Variants in TULP4 observed in about 807,000 individuals in gnomAD.
The protein encoded by TULP4 is tubby-related protein 4.
In TULP4, 16 loss-of-function variants were observed where a neutral mutation model predicts 129.0. The observed-to-expected ratio is 0.12, with a 90% CI of 0.08 to 0.19. The LOEUF is 0.19. TULP4 is among the 10% of genes least tolerant of loss of function. The pLI is 1.00. For synonymous variants in TULP4, 998 were observed against 854.0 expected, an observed-to-expected ratio of 1.17 and a Z score of -2.94; for missense variants, 1,842 against 2,059.1, an observed-to-expected ratio of 0.89 and a Z score of 2.04.
At chr6:158,350,961 C>T (rs1303583770) in intron 1 of TULP4, among the ~76,000 whole-genome samples, 2 of 152,080 alleles carry the variant, frequency 1.3e-5, no homozygotes, top group African/African-American at 4.8e-5. Flanking sequence ...ACCATGTTGG[C>T]CAGGCTGGTC....
chr6:158,439,269 A>C (rs576115111), intron 3 of TULP4, among the ~76,000 whole-genome samples: 4,258 of 152,276 alleles, frequency 0.028, 177 homozygotes, highest in African/African-American at 0.091. Flanking sequence ...CAAACTTCCC[A>C]AAAGCAAAAA....
chr6:158,475,127 G>A (rs892543772), intron 6 of TULP4, among the ~76,000 whole-genome samples: 2 of 152,244 alleles, frequency 1.3e-5, no homozygotes, highest in Non-Finnish European at 2.9e-5. Flanking sequence ...AGTAAGGAAC[G>A]GGCACCAGGC....
Position 158,381,672 on chromosome 6 carries a change from T to C in TULP4, c.253-31393T>C, listed in dbSNP as rs968560089. On this transcript the variant is annotated intron_variant, in intron 1 of 13. Transcript: ENST00000367097. ...AGTGTGGAGGAGAAATGACTGGCTGTGTAGGGTGGATTTTGCATTATGAAC... is the reference window on the plus strand; with the variant it reads ...AGTGTGGAGGAGAAATGACTGGCTGCGTAGGGTGGATTTTGCATTATGAAC... Among the ~76,000 whole-genome samples, 11 of 152,314 alleles carry C rather than the reference T, an allele frequency of 7.2e-5. No individual in the cohort carries two copies. In the South Asian group the frequency reaches 2.3e-3, roughly 32 times the overall value.
intron 6 of TULP4, among the ~76,000 whole-genome samples, chr6:158,467,064 G>A (rs902007292): frequency 1.3e-5 from 2 of 152,004 alleles, no homozygotes; most frequent in African/African-American, 4.8e-5. Flanking sequence ...CCCAAATCTC[G>A]GAACACTCCA....
chr6:158,343,033 C>T (rs146660705), intron 1 of TULP4, among the ~76,000 whole-genome samples: 35 of 150,974 alleles, frequency 2.3e-4, no homozygotes, highest in African/African-American at 8.5e-4. Context: ...TGTAGAGAAT[C>T]TGTACCCACC....
At chr6:158,299,958 G>A (rs1779104605) in intron 1 of TULP4, among the ~76,000 whole-genome samples, 1 of 152,172 alleles carries the variant, frequency 6.6e-6, no homozygotes, top group African/African-American at 2.4e-5. Context: ...GAAATGGTGA[G>A]ATTTTTAGGT....
At position 158,276,594 on chromosome 6, in the gene TULP4, G is replaced by A. The variant is rs569405535; in HGVS notation, n.69-35457G>A. Among the ~76,000 whole-genome samples the A allele has an allele frequency of 3.9e-5, 6 of 151,966 alleles. No individual in the cohort carries two copies. In the South Asian group the frequency reaches 1.2e-3, roughly 32 times the overall value. On this transcript the variant is annotated intron_variant and non_coding_transcript_variant, in intron 1 of 1. Coordinates refer to the TULP4 transcript ENST00000620026. ...GGTAAACATGACTCTCAGAACTGTT[G>A]TACTGAGTTCATAACTTATTTAGGT...
upstream of TULP4, chr6:158,312,128 A>G (rs764255653): frequency 2.1e-4 from 84 of 397,974 alleles, no homozygotes; most frequent in Middle Eastern, 6.3e-4. Context: ...GACGCTTCGT[A>G]TGGCAGTTGA....
At chr6:158,425,659 G>A (rs185865410) in intron 2 of TULP4, among the ~76,000 whole-genome samples, 47 of 151,938 alleles carry the variant, frequency 3.1e-4, no homozygotes, top group Non-Finnish European at 3.2e-4. Flanking sequence ...GCCCAGGCTG[G>A]AGTGCACGAT....
chr6:158,363,772 A>G (rs1484517392), intron 1 of TULP4, among the ~76,000 whole-genome samples: 1 of 150,968 alleles, frequency 6.6e-6, no homozygotes, highest in Admixed American at 6.6e-5. Flanking sequence ...GGCGTGAGCC[A>G]CCGCGCAAGG....
intron 5 of TULP4, among the ~76,000 whole-genome samples, chr6:158,455,059 T>TAATTATTACCTAAC (rs1562573433): frequency 4.1e-5 from 1 of 24,402 alleles, no homozygotes; most frequent in Non-Finnish European, 7.2e-5. Flanking sequence ...TTTAACATTT[T>TAATTATTACCTAAC]TTTTTTTTTT....
At chr6:158,403,721 A>C (rs906607926) in intron 1 of TULP4, among the ~76,000 whole-genome samples, 1 of 152,228 alleles carries the variant, frequency 6.6e-6, no homozygotes, top group Non-Finnish European at 1.5e-5. Context: ...CTGCTTAACT[A>C]GTATTTTAAT....
chr6:158,266,792 A>AT (rs947915207), intron 1 of TULP4, among the ~76,000 whole-genome samples: 12 of 152,246 alleles, frequency 7.9e-5, no homozygotes, highest in African/African-American at 1.2e-4. Flanking sequence ...ACATTTAAGG[A>AT]TTTTTTTATC....
chr6:158,458,793 CT>C (rs1369506158), intron 5 of TULP4, among the ~76,000 whole-genome samples: 2 of 152,160 alleles, frequency 1.3e-5, no homozygotes, highest in African/African-American at 4.8e-5. Context: ...AAATTTTAAA[CT>C]CTTGCCCTAG....
At chr6:158,342,744 C>T (rs1447943617) in intron 1 of TULP4, among the ~76,000 whole-genome samples, 1 of 152,126 alleles carries the variant, frequency 6.6e-6, no homozygotes, top group African/African-American at 2.4e-5. Flanking sequence ...AGTTCTGTCA[C>T]CTACTAGCTG....
intron 1 of TULP4, among the ~76,000 whole-genome samples, chr6:158,357,836 A>G (rs1027785558): frequency 6.6e-6 from 1 of 152,028 alleles, no homozygotes; most frequent in African/African-American, 2.4e-5. Flanking sequence ...TTCTTTGTAA[A>G]ATTTAGGACC....
chr6:158,395,513 G>A (rs978557571), intron 1 of TULP4, among the ~76,000 whole-genome samples: 26 of 151,806 alleles, frequency 1.7e-4, no homozygotes, highest in Middle Eastern at 3.4e-3. Flanking sequence ...CCTGGGAGGC[G>A]GAGGTTGTGG....
rs767708053 is a variant in TULP4, at chr6:158,429,840, C to A, written c.486C>A (p.Ser162=). Reference sequence around the variant, plus strand: ...TCAGTGGACAAAGACACTGGTCATCCGAAATCAACTTGGAAAGTCAAATTA... The same window carrying A: ...TCAGTGGACAAAGACACTGGTCATCAGAAATCAACTTGGAAAGTCAAATTA... ...GSVSGQRHWS[S]EINLESQITC... Residue 162 remains serine (S), a synonymous_variant, in exon 3 of 14, where the codon TCC becomes TCA. Coordinates refer to ENST00000367097, the MANE Select transcript of TULP4 (RefSeq NM_020245.5). 59 of 1,613,882 alleles carry A rather than the reference C, an allele frequency of 3.7e-5. No homozygotes were observed. The highest frequency in any genetic ancestry group is 1.0e-4 in the Admixed American group (6 of 59,984).
intron 5 of TULP4, among the ~76,000 whole-genome samples, chr6:158,459,608 TC>T (rs140625410): frequency 0.16 from 25,042 of 151,990 alleles, 2,658 homozygotes; most frequent in Middle Eastern, 0.25. Context: ...AACCCACTTT[TC>T]TGTTGGGGAA....
Sources: allele counts gnomAD v4.1 joint callset (sites outside exome capture counted in the v4.1 genomes callset), GRCh38; gene constraint gnomAD v4.1.1; transcripts MANE v1.5; gene names NCBI Gene and HGNC (gene_info 2026-07-23, HGNC 2026-07-21).